Variants in RANBP2 observed in about 807,000 individuals in gnomAD.
The protein encoded by RANBP2 is E3 SUMO-protein ligase RanBP2.
A neutral mutation model predicts 303.6 loss-of-function variants in RANBP2; 57 were observed. The observed-to-expected ratio is 0.19, with a 90% CI of 0.15 to 0.23. The LOEUF is 0.23. RANBP2 is among the 10% of genes least tolerant of loss of function. The pLI is 1.00. For synonymous variants in RANBP2, 1,167 were observed against 1,301.5 expected, an observed-to-expected ratio of 0.90 and a Z score of 2.23; for missense variants, 3,138 against 3,780.8, an observed-to-expected ratio of 0.83 and a Z score of 4.46.
the RANBP2 span, among the ~76,000 whole-genome samples, chr2:109,652,156 G>A: frequency 6.6e-6 from 1 of 152,150 alleles, no homozygotes; most frequent in Non-Finnish European, 1.5e-5. Context: ...TGCTGTCTGT[G>A]GGTTTGCTTC....
At chr2:109,399,397 G>A in the RANBP2 span, among the ~76,000 whole-genome samples, 54 of 151,970 alleles carry the variant, frequency 3.6e-4, no homozygotes, top group African/African-American at 1.2e-3. Flanking sequence ...GAGTACTTTC[G>A]TTACTGTTGT....
chr2:109,124,997 C>T, the RANBP2 span, among the ~76,000 whole-genome samples: 4 of 152,154 alleles, frequency 2.6e-5, no homozygotes, highest in South Asian at 2.1e-4. Context: ...GTTGATTTAA[C>T]GAAAAAGAAA....
the RANBP2 span, among the ~76,000 whole-genome samples, chr2:109,481,763 C>G: frequency 6.6e-6 from 1 of 152,128 alleles, no homozygotes; most frequent in African/African-American, 2.4e-5. Flanking sequence ...AAATGTCACT[C>G]CTCGGCCTCC....
the RANBP2 span, among the ~76,000 whole-genome samples, chr2:109,301,534 AG>A: frequency 1.3e-5 from 2 of 152,136 alleles, no homozygotes; most frequent in Non-Finnish European, 2.9e-5. Context: ...CCAGGACACC[AG>A]GGTGCCCAGA....
At chr2:109,223,927 G>A in the RANBP2 span, among the ~76,000 whole-genome samples, 1 of 152,214 alleles carries the variant, frequency 6.6e-6, no homozygotes, top group African/African-American at 2.4e-5. Context: ...ACTTGAGCCT[G>A]GGGGGTGTGG....
chr2:109,674,353 C>T, the RANBP2 span, among the ~76,000 whole-genome samples: 32 of 141,760 alleles, frequency 2.3e-4, no homozygotes, highest in Admixed American at 6.9e-4. Flanking sequence ...GCATGAAGAT[C>T]GCTTGAGCTC....
At chr2:109,242,801 G>A in the RANBP2 span, among the ~76,000 whole-genome samples, 1 of 152,182 alleles carries the variant, frequency 6.6e-6, no homozygotes, top group Non-Finnish European at 1.5e-5. Flanking sequence ...GTTTGGAGAG[G>A]ATGGGGACCC....
At chr2:109,377,553 G>A in the RANBP2 span, among the ~76,000 whole-genome samples, 2 of 152,196 alleles carry the variant, frequency 1.3e-5, no homozygotes, top group Non-Finnish European at 2.9e-5. Context: ...TTAATATGGT[G>A]TGGTGTTTGG....
the RANBP2 span, among the ~76,000 whole-genome samples, chr2:109,185,491 C>T: frequency 0.26 from 39,741 of 152,118 alleles, 5,517 homozygotes; most frequent in East Asian, 0.42. Context: ...TTACTTGAGT[C>T]ACAGAGCATG....
intron 22 of RANBP2, 72 bp from the exon 23 acceptor site, chr2:108,772,790 TATGTTG>T (rs1202019515): frequency 6.8e-7 from 1 of 1,469,734 alleles, no homozygotes; most frequent in Non-Finnish European, 9.4e-7. Flanking sequence ...GTCTGTGGAT[TATGTTG>T]ATGACTACCA....
chr2:109,397,926 T>C, the RANBP2 span, among the ~76,000 whole-genome samples: 3 of 152,186 alleles, frequency 2.0e-5, no homozygotes, highest in Non-Finnish European at 4.4e-5. Context: ...CAATGGGAGA[T>C]GTGGGAAGGA....
the RANBP2 span, among the ~76,000 whole-genome samples, chr2:109,184,690 C>A: frequency 6.6e-6 from 1 of 152,188 alleles, no homozygotes; most frequent in Admixed American, 6.5e-5. Context: ...CTTCCCCCTG[C>A]CACCAGGAAG....
the RANBP2 span, among the ~76,000 whole-genome samples, chr2:108,981,485 C>A: frequency 1.3e-5 from 2 of 152,180 alleles, no homozygotes; most frequent in African/African-American, 2.4e-5. Context: ...GAGAAGCTTC[C>A]ATTTTCCGCT....
chr2:109,490,494 A>G, the RANBP2 span: 3 of 948,308 alleles, frequency 3.2e-6, no homozygotes, highest in Non-Finnish European at 4.3e-6. Flanking sequence ...CTGAAAAAAT[A>G]AGAAATTTAA....
chr2:109,447,647 C>A, the RANBP2 span, among the ~76,000 whole-genome samples: 1 of 152,164 alleles, frequency 6.6e-6, no homozygotes, highest in Non-Finnish European at 1.5e-5. Flanking sequence ...ACCCAGGACA[C>A]AAGTCACCAT....
the RANBP2 span, among the ~76,000 whole-genome samples, chr2:109,595,477 T>C: frequency 6.6e-6 from 1 of 152,094 alleles, no homozygotes; most frequent in African/African-American, 2.4e-5. Flanking sequence ...CTAAGCAGTA[T>C]CACGTCCCTC....
At chr2:108,727,892 C>T (rs1694858627) in intron 1 of RANBP2, among the ~76,000 whole-genome samples, 1 of 152,098 alleles carries the variant, frequency 6.6e-6, no homozygotes, top group Non-Finnish European at 1.5e-5. Flanking sequence ...TGTGAGCCAC[C>T]GCACCCAGCC....
the RANBP2 span, among the ~76,000 whole-genome samples, chr2:109,742,510 G>C: frequency 2.0e-5 from 3 of 148,572 alleles, no homozygotes; most frequent in African/African-American, 7.7e-5. Flanking sequence ...ACAAAACTCT[G>C]ATAAAAAAAT....
At chr2:109,246,327 G>A in the RANBP2 span, among the ~76,000 whole-genome samples, 4 of 152,156 alleles carry the variant, frequency 2.6e-5, no homozygotes, top group Admixed American at 6.5e-5. Context: ...GTTCACAGAC[G>A]GTGCCTTCTC....
Sources: allele counts gnomAD v4.1 joint callset (sites outside exome capture counted in the v4.1 genomes callset), GRCh38; gene constraint gnomAD v4.1.1; transcripts MANE v1.5; gene names NCBI Gene and HGNC (gene_info 2026-07-23, HGNC 2026-07-21).